The following TGFBRAP1 variants were observed in gnomAD, a reference collection of about 807,000 sequenced individuals.
TGFBRAP1 encodes transforming growth factor-beta receptor-associated protein 1.
A neutral mutation model predicts 83.2 loss-of-function variants in TGFBRAP1; 20 were observed. The observed-to-expected ratio is 0.24, with a 90% CI of 0.17 to 0.35. The LOEUF is 0.35. Among genes scored for constraint, TGFBRAP1 ranks in the 10% least tolerant of loss-of-function variants. The pLI is 1.00. For missense variants in TGFBRAP1, 950 were observed against 1,099.4 expected (o/e 0.86, Z 1.92); for synonymous variants, 415 against 459.8 (o/e 0.90, Z 1.25).
intron 1 of TGFBRAP1, among the ~76,000 whole-genome samples, chr2:105,316,458 T>TGCGCGC (rs1356366345): frequency 2.8e-4 from 19 of 67,070 alleles, no homozygotes; most frequent in African/African-American, 4.2e-4. Flanking sequence ...TGTGTGTGTG[T>TGCGCGC]GTGTGCGCGC....
At chr2:105,256,157 G>A in the TGFBRAP1 span, among the ~76,000 whole-genome samples, 1 of 152,210 alleles carries the variant, frequency 6.6e-6, no homozygotes, top group African/African-American at 2.4e-5. Flanking sequence ...TGAACAGGCA[G>A]AATACCAGAA....
chr2:105,256,895 T>A, the TGFBRAP1 span, among the ~76,000 whole-genome samples: 2 of 152,166 alleles, frequency 1.3e-5, no homozygotes, highest in Admixed American at 1.3e-4. Flanking sequence ...AAAACCAAGA[T>A]GGCGATGAGA....
chr2:105,290,921 C>T (rs1257834078), intron 4 of TGFBRAP1, among the ~76,000 whole-genome samples: 1 of 151,906 alleles, frequency 6.6e-6, no homozygotes, highest in Non-Finnish European at 1.5e-5. Flanking sequence ...CAGGAGAATC[C>T]CTTGAACGCG....
chr2:105,252,942 G>A, the TGFBRAP1 span, among the ~76,000 whole-genome samples: 2 of 151,464 alleles, frequency 1.3e-5, no homozygotes, highest in South Asian at 2.1e-4. Context: ...TTTTAGTAGC[G>A]ACGGGGTTTC....
intron 4 of TGFBRAP1, among the ~76,000 whole-genome samples, chr2:105,288,850 C>G (rs910933542): frequency 1.7e-4 from 26 of 152,032 alleles, no homozygotes; most frequent in African/African-American, 6.3e-4. Context: ...ATATATATCC[C>G]TTTGTGAGGG....
chr2:105,286,831 A>G (rs916927027), intron 4 of TGFBRAP1, among the ~76,000 whole-genome samples: 5 of 152,232 alleles, frequency 3.3e-5, no homozygotes, highest in Admixed American at 2.0e-4. Context: ...TTGAAAGAAG[A>G]TTCTAATCTA....
At chr2:105,250,164 C>G in the TGFBRAP1 span, among the ~76,000 whole-genome samples, 1 of 152,146 alleles carries the variant, frequency 6.6e-6, no homozygotes, top group Non-Finnish European at 1.5e-5. Flanking sequence ...CTTAGTTAGT[C>G]TGATAAGAAC....
chr2:105,318,768 G>A (rs961964564), intron 1 of TGFBRAP1, among the ~76,000 whole-genome samples: 1 of 152,172 alleles, frequency 6.6e-6, no homozygotes, highest in South Asian at 2.1e-4. Context: ...AGAAGGTAAA[G>A]GGAAAGACCA....
chr2:105,318,859 T>C (rs1240425894), intron 1 of TGFBRAP1, among the ~76,000 whole-genome samples: 3 of 152,226 alleles, frequency 2.0e-5, no homozygotes, highest in African/African-American at 7.2e-5. Context: ...TCTGTGAGGC[T>C]AGCCCCTTAC....
rs566111286 is a variant in TGFBRAP1, at chr2:105,306,682, C to T, written c.688+932G>A. On this transcript the variant is annotated intron_variant, in intron 2 of 11. Coordinates refer to ENST00000393359, the MANE Select transcript of TGFBRAP1 (RefSeq NM_004257.6). Reference sequence around the variant, plus strand: ...GCATGGTGGTGCATGCCTGAAATCTCAGCTATTTGGAAGGTTGAGGCAGGG... The same window carrying T: ...GCATGGTGGTGCATGCCTGAAATCTTAGCTATTTGGAAGGTTGAGGCAGGG... Among the ~76,000 whole-genome samples the T allele has an allele frequency of 1.9e-4, 29 of 152,162 alleles. 1 individual carries two copies. In the South Asian group the frequency reaches 5.4e-3, roughly 28 times the overall value.
intron 1 of TGFBRAP1, among the ~76,000 whole-genome samples, chr2:105,321,164 A>AT (rs1467193543): frequency 6.6e-5 from 10 of 151,282 alleles, no homozygotes; most frequent in African/African-American, 1.7e-4. Flanking sequence ...TTATTTATTT[A>AT]TTTATTTTTT....
the TGFBRAP1 span, among the ~76,000 whole-genome samples, chr2:105,258,237 C>T: frequency 3.3e-5 from 5 of 152,162 alleles, no homozygotes; most frequent in African/African-American, 9.7e-5. Context: ...AAGATCCTTC[C>T]GTCTTCCTGG....
intron 5 of TGFBRAP1, among the ~76,000 whole-genome samples, chr2:105,282,507 T>G (rs745450576): frequency 6.6e-6 from 1 of 152,224 alleles, no homozygotes; most frequent in East Asian, 1.9e-4. Flanking sequence ...GAATCATCTT[T>G]GTCTTAGAAG....
rs1233704109 is a variant in TGFBRAP1 at position 105,267,484 on chromosome 2, G to A, written c.2482C>T (p.Pro828Ser). The change falls in exon 12 of 12, where the codon CCT (proline) becomes TCT (serine). Residue 828 changes from proline to serine, a missense_variant. By Grantham distance (74) the Pro-to-Ser change is moderately conservative. Transcript: ENST00000393359. Reference sequence around the variant, plus strand: ...CCATTTGGGTATCTAACAAACACAGGCTCACAAAAGGGATTTTGGCATATC... The same window carrying A: ...CCATTTGGGTATCTAACAAACACAGACTCACAAAAGGGATTTTGGCATATC... ...CQICQNPFCEPVFVRYPNGGL... is the reference protein window; with the variant it reads ...CQICQNPFCESVFVRYPNGGL... 6.2e-7 allele frequency: 1 copy of A among 1,614,216 alleles called. No individual in the cohort carries two copies. Among genetic ancestry groups the A allele is most frequent in the Non-Finnish European group, 8.5e-7 (1 of 1,180,040 alleles).
intron 4 of TGFBRAP1, among the ~76,000 whole-genome samples, chr2:105,295,905 T>C (rs2679886): frequency 0.14 from 21,086 of 152,050 alleles, 1,824 homozygotes; most frequent in South Asian, 0.25. Context: ...TATCAATATG[T>C]TTAGTAAAGC....
At chr2:105,327,077 G>A (rs1035936118) in intron 1 of TGFBRAP1, among the ~76,000 whole-genome samples, 3 of 152,144 alleles carry the variant, frequency 2.0e-5, no homozygotes, top group Non-Finnish European at 4.4e-5. Flanking sequence ...TGCCACAAAT[G>A]ACTACTTTAA....
At chr2:105,326,595 T>TA (rs1345665414) in intron 1 of TGFBRAP1, among the ~76,000 whole-genome samples, 1 of 152,148 alleles carries the variant, frequency 6.6e-6, no homozygotes, top group East Asian at 1.9e-4. Flanking sequence ...GGCATGTGCC[T>TA]ATAGCCCCAA....
the TGFBRAP1 span, among the ~76,000 whole-genome samples, chr2:105,259,340 C>T: frequency 7.0e-4 from 107 of 152,282 alleles, no homozygotes; most frequent in Middle Eastern, 3.4e-3. Flanking sequence ...GACACAAACA[C>T]GCATGCTGTC....
intron 1 of TGFBRAP1, among the ~76,000 whole-genome samples, chr2:105,316,460 T>TGCGCGC (rs1247975846): frequency 7.8e-4 from 52 of 66,930 alleles, no homozygotes; most frequent in African/African-American, 1.2e-3. Flanking sequence ...TGTGTGTGTG[T>TGCGCGC]GTGCGCGCGC....
Sources: allele counts gnomAD v4.1 joint callset (sites outside exome capture counted in the v4.1 genomes callset), GRCh38; gene constraint gnomAD v4.1.1; transcripts MANE v1.5; gene names NCBI Gene and HGNC (gene_info 2026-07-23, HGNC 2026-07-21).